The following RBFOX1 variants were observed in gnomAD, a reference collection of about 807,000 sequenced individuals.
RBFOX1 encodes the protein RNA binding fox-1 homolog 1.
RBFOX1 carries 8 observed loss-of-function variants against 57.7 expected under a neutral mutation model. The observed-to-expected ratio is 0.14, with a 90% CI of 0.08 to 0.25. The LOEUF (loss-of-function observed/expected upper bound fraction) is 0.25. Ranked by LOEUF, RBFOX1 falls within the 10% of genes least tolerant of loss-of-function variation. The pLI, the probability that RBFOX1 is intolerant of heterozygous loss-of-function variation, is 1.00. For synonymous variants in RBFOX1, 326 were observed against 222.4 expected (o/e 1.47, Z -4.15); for missense variants, 611 against 548.5 (o/e 1.11, Z -1.14).
At chr16:6,641,752 AAAAAAAAAAAAAAAAAAAAAAAAAAAT>A (rs1431044030) in intron 2 of RBFOX1, among the ~76,000 whole-genome samples, 3 of 20,340 alleles carry the variant, frequency 1.5e-4, no homozygotes, top group African/African-American at 4.9e-4. Context: ...AAAAAAAAAA[AAAAAAAAAAAAAAAAAAAAAAAAAAAT>A]AGGTTCTGCC....
At chr16:6,740,652 A>T (rs2071779521) in intron 3 of RBFOX1, among the ~76,000 whole-genome samples, 1 of 152,200 alleles carries the variant, frequency 6.6e-6, no homozygotes, top group Non-Finnish European at 1.5e-5. Flanking sequence ...GAAAAAAGGG[A>T]AATATTTAGG....
At chr16:6,693,555 C>T (rs1376501375) in intron 3 of RBFOX1, among the ~76,000 whole-genome samples, 1 of 151,506 alleles carries the variant, frequency 6.6e-6, no homozygotes, top group Non-Finnish European at 1.5e-5. Flanking sequence ...CATCTTCCTC[C>T]ACTGCCATCA....
intron 1 of RBFOX1, among the ~76,000 whole-genome samples, chr16:5,276,014 CACCTT>C (rs1230987513): frequency 6.6e-6 from 1 of 152,004 alleles, no homozygotes; most frequent in East Asian, 1.9e-4. Flanking sequence ...CCTCATCTCT[CACCTT>C]ATACAAAAAT....
chr16:6,928,774 G>T (rs901199782), intron 3 of RBFOX1, among the ~76,000 whole-genome samples: 1 of 152,078 alleles, frequency 6.6e-6, no homozygotes, highest in Admixed American at 6.6e-5. Context: ...CACATTGTTT[G>T]ATTTCTTTCC....
At chr16:7,173,317 G>C (rs951873353) in intron 4 of RBFOX1, among the ~76,000 whole-genome samples, 6 of 152,128 alleles carry the variant, frequency 3.9e-5, no homozygotes, top group African/African-American at 1.4e-4. Context: ...GAAACTAATA[G>C]CTGGAGCTCA....
intron 4 of RBFOX1, among the ~76,000 whole-genome samples, chr16:7,359,898 G>C (rs1467303968): frequency 6.6e-6 from 1 of 152,038 alleles, no homozygotes; most frequent in Non-Finnish European, 1.5e-5. Flanking sequence ...GCAGGGGAAT[G>C]GTGTGAACCC....
intron 4 of RBFOX1, among the ~76,000 whole-genome samples, chr16:5,915,606 C>T (rs1200824230): frequency 1.3e-5 from 2 of 152,168 alleles, no homozygotes; most frequent in East Asian, 3.9e-4. Flanking sequence ...TCAAGGTGGG[C>T]AGATCACCTG....
intron 5 of RBFOX1, 22 bp from the exon 6 acceptor site, chr16:7,579,755 C>A (rs376003075): frequency 5.0e-6 from 8 of 1,613,932 alleles, no homozygotes; most frequent in Non-Finnish European, 6.8e-6. Context: ...AGAACCTCTT[C>A]GGTTTCTTCT....
At chr16:6,225,502 A>G (rs1050849483) in intron 1 of RBFOX1, among the ~76,000 whole-genome samples, 1 of 152,208 alleles carries the variant, frequency 6.6e-6, no homozygotes. Context: ...TTTATATTAG[A>G]TAACTGCTCA....
chr16:6,717,264 A>G (rs921379847), intron 3 of RBFOX1, among the ~76,000 whole-genome samples: 1 of 152,122 alleles, frequency 6.6e-6, no homozygotes, highest in African/African-American at 2.4e-5. Context: ...CATTTCTGAC[A>G]TTATTTGAGT....
At chr16:5,601,535 A>G (rs1669427082), downstream of RBFOX1, 1 of 152,196 alleles carries the variant, frequency 6.6e-6, no homozygotes, top group African/African-American at 2.4e-5. Context: ...GGAGCATACC[A>G]TACAAGGGCA....
At chr16:6,341,356 C>T (rs1008413714) in intron 2 of RBFOX1, among the ~76,000 whole-genome samples, 2 of 152,080 alleles carry the variant, frequency 1.3e-5, no homozygotes, top group Non-Finnish European at 2.9e-5. Flanking sequence ...TCTTTTACCT[C>T]GTTCTTCTCC....
chr16:6,211,651 G>T (rs1257435775), intron 1 of RBFOX1, among the ~76,000 whole-genome samples: 1 of 152,096 alleles, frequency 6.6e-6, no homozygotes, highest in Non-Finnish European at 1.5e-5. Context: ...GCTGAGAGAA[G>T]TACCTCTTTT....
intron 4 of RBFOX1, among the ~76,000 whole-genome samples, chr16:7,262,816 G>C (rs1288181482): frequency 6.6e-6 from 1 of 152,266 alleles, no homozygotes; most frequent in Non-Finnish European, 1.5e-5. Flanking sequence ...CTAAGTTAGT[G>C]CTGAAATGTG....
intron 2 of RBFOX1, among the ~76,000 whole-genome samples, chr16:5,536,106 C>CA (rs1567204478): frequency 6.8e-6 from 1 of 147,344 alleles, no homozygotes; most frequent in African/African-American, 2.5e-5. Flanking sequence ...CCCCCCCCCC[C>CA]TTTTTTTTCT....
intron 2 of RBFOX1, among the ~76,000 whole-genome samples, chr16:6,639,188 C>T (rs1205244124): frequency 6.6e-6 from 1 of 152,224 alleles, no homozygotes; most frequent in East Asian, 1.9e-4. Context: ...TGTTGACCTT[C>T]AGCTGTGCTG....
intron 1 of RBFOX1, among the ~76,000 whole-genome samples, chr16:6,032,196 C>G (rs1233833462): frequency 6.6e-6 from 1 of 151,998 alleles, no homozygotes; most frequent in East Asian, 1.9e-4. Context: ...CCTTGCTGGT[C>G]TTGGAACAAG....
chr16:6,952,328 A>G (rs1006232202), intron 3 of RBFOX1, among the ~76,000 whole-genome samples: 2 of 152,208 alleles, frequency 1.3e-5, no homozygotes, highest in Admixed American at 1.3e-4. Flanking sequence ...TCCAGTTTTG[A>G]CAAAGTAGTT....
At chr16:7,388,799 A>G (rs1280696694) in intron 4 of RBFOX1, among the ~76,000 whole-genome samples, 1 of 152,056 alleles carries the variant, frequency 6.6e-6, no homozygotes, top group Non-Finnish European at 1.5e-5. Flanking sequence ...ATGTAGGCTA[A>G]TATAAGTGTT....
Sources: gnomAD v4.1 joint callset for allele counts (sites outside exome capture counted in the v4.1 genomes callset) on GRCh38, gnomAD v4.1.1 for gene constraint, MANE v1.5 for transcripts, NCBI Gene and HGNC (gene_info 2026-07-23, HGNC 2026-07-21) for gene names.